Variants in PPP1R12A observed in about 807,000 individuals in gnomAD.
PPP1R12A encodes the protein myosin binding subunit.
PPP1R12A carries 19 observed loss-of-function variants against 139.6 expected under a neutral mutation model. The observed-to-expected ratio is 0.14, with a 90% CI of 0.09 to 0.20. The LOEUF (loss-of-function observed/expected upper bound fraction) is 0.20, where lower values mean the gene tolerates loss of function less well. Ranked by LOEUF, PPP1R12A falls within the 10% of genes least tolerant of loss-of-function variation. PPP1R12A has a pLI of 1.00. For missense variants in PPP1R12A, 925 were observed against 1,211.5 expected (o/e 0.76, Z 3.51); for synonymous variants, 427 against 420.6 (o/e 1.02, Z -0.19).
chr12:79,932,279 TTG>T (rs1051333684), intron 1 of PPP1R12A, among the ~76,000 whole-genome samples: 1 of 152,136 alleles, frequency 6.6e-6, no homozygotes, highest in Admixed American at 6.6e-5. Context: ...TAAAATTTTC[TTG>T]TGTGTGTGTG....
chr12:79,864,805 G>T (rs1881778947), intron 2 of PPP1R12A, among the ~76,000 whole-genome samples: 1 of 152,182 alleles, frequency 6.6e-6, no homozygotes, highest in Admixed American at 6.5e-5. Context: ...GACAATAACA[G>T]GTTCTGAAAT....
intron 1 of PPP1R12A, among the ~76,000 whole-genome samples, chr12:79,891,073 G>A (rs1199041598): frequency 1.3e-5 from 2 of 151,880 alleles, no homozygotes; most frequent in African/African-American, 2.4e-5. Flanking sequence ...AAGGCAGGGG[G>A]GAACTACATT....
intron 12 of PPP1R12A, chr12:79,806,866 C>G (rs1873901882): frequency 5.9e-6 from 1 of 168,418 alleles, no homozygotes; most frequent in African/African-American, 2.4e-5. Context: ...TTCCATAGCT[C>G]TGAGTTCTAG....
Position 79,774,464 on chromosome 12 carries a change from G to A in PPP1R12A, c.*1465C>T, listed in dbSNP as rs1869529882. 6.6e-6 allele frequency: 1 copy of A among 152,492 alleles called. No homozygotes were observed. 9.4% of individuals were successfully genotyped at this position (152,492 alleles called of 1,614,324 possible). Reference sequence around the variant, plus strand: ...TCAATAATACAATCAGCTACTATAAGCTTTACAATGTACAATTTATTCAAA... The same window carrying A: ...TCAATAATACAATCAGCTACTATAAACTTTACAATGTACAATTTATTCAAA... On this transcript the variant is annotated 3_prime_UTR_variant, in exon 25 of 25. Transcript: ENST00000450142.
chr12:79,823,264 C>A (rs1876353637), intron 5 of PPP1R12A, among the ~76,000 whole-genome samples: 1 of 151,864 alleles, frequency 6.6e-6, no homozygotes, highest in Admixed American at 6.6e-5. Context: ...TGTATGTTAT[C>A]CAGTATATGA....
intron 18 of PPP1R12A, among the ~76,000 whole-genome samples, chr12:79,795,417 C>T (rs1442450250): frequency 1.3e-5 from 2 of 152,008 alleles, no homozygotes. Context: ...TATTTCTATT[C>T]CATAATTAGG....
chr12:79,790,556 A>T, intron 19 of PPP1R12A, 73 bp from the exon 20 acceptor site: 1 of 1,111,008 alleles, frequency 9.0e-7, no homozygotes, highest in South Asian at 1.9e-5. Flanking sequence ...TATGATTATA[A>T]GTAAATTTAA....
chr12:79,844,974 A>G (rs949361680), intron 3 of PPP1R12A, among the ~76,000 whole-genome samples: 1 of 152,142 alleles, frequency 6.6e-6, no homozygotes, highest in African/African-American at 2.4e-5. Context: ...AGCCTTCTTG[A>G]CCACACTATT....
chr12:79,852,024 C>T (rs1041884392), intron 2 of PPP1R12A, among the ~76,000 whole-genome samples: 3 of 152,072 alleles, frequency 2.0e-5, no homozygotes, highest in African/African-American at 7.2e-5. Flanking sequence ...TTGTTTCAGG[C>T]ATGCTCATTC....
intron 9 of PPP1R12A, among the ~76,000 whole-genome samples, chr12:79,812,166 T>C (rs2137077189): frequency 6.6e-6 from 1 of 152,324 alleles, no homozygotes; most frequent in South Asian, 2.1e-4. Flanking sequence ...TAATGGCTGA[T>C]ATACCTCCAC....
intron 1 of PPP1R12A, among the ~76,000 whole-genome samples, chr12:79,874,810 C>T (rs1327069796): frequency 1.3e-5 from 2 of 152,146 alleles, no homozygotes; most frequent in Non-Finnish European, 2.9e-5. Flanking sequence ...CCAAGGTACT[C>T]ATTGTTCCCC....
chr12:79,915,559 C>T (rs1886926577), intron 1 of PPP1R12A, among the ~76,000 whole-genome samples: 1 of 152,098 alleles, frequency 6.6e-6, no homozygotes, highest in Non-Finnish European at 1.5e-5. Context: ...CTTCCAATGA[C>T]TTACTTCTCA....
At chr12:79,812,391 CGTGTGTGTGTGTGTGT>C (rs1156924649) in intron 9 of PPP1R12A, among the ~76,000 whole-genome samples, 2 of 134,510 alleles carry the variant, frequency 1.5e-5, no homozygotes, top group East Asian at 2.2e-4. Flanking sequence ...TCTGTGTGTG[CGTGTGTGTGTGTGTGT>C]GTGTGTGTGT....
At chr12:79,926,434 G>A (rs1305720026) in intron 1 of PPP1R12A, among the ~76,000 whole-genome samples, 22 of 152,102 alleles carry the variant, frequency 1.4e-4, no homozygotes, top group Admixed American at 5.2e-4. Flanking sequence ...CAGGTGATCC[G>A]CCTGCCTAGG....
At chr12:79,799,377 TGACCTCAAGTGATCTGCCTGTCTC>T (rs1335190163) in intron 14 of PPP1R12A, among the ~76,000 whole-genome samples, 1 of 152,182 alleles carries the variant, frequency 6.6e-6, no homozygotes, top group Non-Finnish European at 1.5e-5. Context: ...CTCGAACTCC[TGACCTCAAGTGATCTGCCTGTCTC>T]GACCTCAGAG....
intron 8 of PPP1R12A, among the ~76,000 whole-genome samples, chr12:79,820,294 T>G (rs949102995): frequency 6.6e-6 from 1 of 152,208 alleles, no homozygotes; most frequent in Non-Finnish European, 1.5e-5. Context: ...AATATGAATG[T>G]TTGTTTATTA....
intron 8 of PPP1R12A, 121 bp downstream of exon 8, chr12:79,820,653 G>C (rs1875990314): frequency 2.2e-6 from 2 of 907,744 alleles, no homozygotes; most frequent in East Asian, 2.4e-5. Flanking sequence ...TAATTTAGTA[G>C]TGTGGCAGGT....
At chr12:79,885,369 C>T (rs1884009749) in intron 1 of PPP1R12A, among the ~76,000 whole-genome samples, 1 of 152,142 alleles carries the variant, frequency 6.6e-6, no homozygotes, top group East Asian at 1.9e-4. Context: ...ATAGTCCATG[C>T]TAATTCTTCC....
intron 22 of PPP1R12A, among the ~76,000 whole-genome samples, chr12:79,785,387 A>G (rs948828963): frequency 6.6e-6 from 1 of 152,352 alleles, no homozygotes; most frequent in South Asian, 2.1e-4. Context: ...AGGATCTGGT[A>G]ACAAGTTTAA....
Sources: allele counts gnomAD v4.1 joint callset (sites outside exome capture counted in the v4.1 genomes callset), GRCh38; gene constraint gnomAD v4.1.1; transcripts MANE v1.5; gene names NCBI Gene and HGNC (gene_info 2026-07-23, HGNC 2026-07-21).